GRM5: variants seen among roughly 807,000 people sequenced by gnomAD.
The protein encoded by GRM5 is glutamate metabotropic receptor 5.
A neutral mutation model predicts 83.1 loss-of-function variants in GRM5; 19 were observed. That is an observed-to-expected ratio of 0.23 (90% CI 0.16 to 0.34). GRM5 has a LOEUF of 0.34. GRM5 is among the 10% of genes least tolerant of loss of function. The probability of loss-of-function intolerance (pLI) is 1.00; values close to 1 mark genes in which losing one functional copy is unlikely to be tolerated. For missense variants in GRM5, 1,160 were observed against 1,588.3 expected, an observed-to-expected ratio of 0.73 and a Z score of 4.58; for synonymous variants, 675 against 633.6, an observed-to-expected ratio of 1.07 and a Z score of -0.98.
chr11:88,600,545 A>G (rs1355752868), intron 5 of GRM5, among the ~76,000 whole-genome samples: 2 of 152,042 alleles, frequency 1.3e-5, no homozygotes. Flanking sequence ...AATTTTATAT[A>G]TTGCTCAAAA....
intron 4 of GRM5, among the ~76,000 whole-genome samples, chr11:88,641,140 G>T (rs1315658809): frequency 1.1e-4 from 16 of 152,070 alleles, no homozygotes. Context: ...AGGTGAAGCA[G>T]GATCACACAC....
chr11:88,969,779 A>G (rs597303), intron 2 of GRM5, among the ~76,000 whole-genome samples: 17,554 of 152,066 alleles, frequency 0.12, 3,303 homozygotes, highest in African/African-American at 0.39. Flanking sequence ...ATTTTCCATT[A>G]AAATGCTAAA....
At chr11:89,053,343 A>T (rs1941798957) in intron 1 of GRM5, among the ~76,000 whole-genome samples, 1 of 152,206 alleles carries the variant, frequency 6.6e-6, no homozygotes, top group South Asian at 2.1e-4. Context: ...TTTTAAAAAA[A>T]TCATGACATA....
intron 2 of GRM5, among the ~76,000 whole-genome samples, chr11:88,858,612 G>A (rs1366702817): frequency 4.6e-5 from 7 of 152,054 alleles, no homozygotes; most frequent in Non-Finnish European, 1.0e-4. Flanking sequence ...TACATGTTGA[G>A]GACAACAAGT....
At chr11:88,858,068 C>T (rs1460407371) in intron 2 of GRM5, among the ~76,000 whole-genome samples, 1 of 152,024 alleles carries the variant, frequency 6.6e-6, no homozygotes, top group African/African-American at 2.4e-5. Context: ...ATTTCTCATC[C>T]TGCCCTGGAG....
At chr11:89,043,388 A>G (rs1214476076) in intron 2 of GRM5, among the ~76,000 whole-genome samples, 1 of 152,202 alleles carries the variant, frequency 6.6e-6, no homozygotes, top group Non-Finnish European at 1.5e-5. Flanking sequence ...GAACTAGATC[A>G]AGGTAAAGAA....
intron 2 of GRM5, among the ~76,000 whole-genome samples, chr11:88,918,732 A>G (rs1270282670): frequency 1.4e-5 from 2 of 146,126 alleles, no homozygotes; most frequent in Admixed American, 7.0e-5. Context: ...AGAAACAACA[A>G]AAAGTTAAAG....
At chr11:88,838,066 C>T (rs1220126954) in intron 3 of GRM5, among the ~76,000 whole-genome samples, 1 of 101,314 alleles carries the variant, frequency 9.9e-6, no homozygotes, top group Non-Finnish European at 1.8e-5. Flanking sequence ...GCCTGGGTGA[C>T]AGAGCGAGAC....
chr11:88,793,354 A>ATAAT (rs1276030532), intron 3 of GRM5, among the ~76,000 whole-genome samples: 1 of 152,190 alleles, frequency 6.6e-6, no homozygotes, highest in African/African-American at 2.4e-5. Context: ...AATTTGACAT[A>ATAAT]TAATTCGAGA....
intron 3 of GRM5, among the ~76,000 whole-genome samples, chr11:88,825,608 G>T (rs564357277): frequency 1.3e-5 from 2 of 152,278 alleles, no homozygotes; most frequent in East Asian, 3.9e-4. Context: ...TCACAAGTGG[G>T]ATGCAACTAA....
intron 8 of GRM5, among the ~76,000 whole-genome samples, chr11:88,550,009 T>A (rs1005110968): frequency 6.6e-6 from 1 of 151,972 alleles, no homozygotes; most frequent in East Asian, 1.9e-4. Context: ...GTAAAATTAG[T>A]AGGAGAAATG....
At chr11:88,592,307 G>T (rs967016619) in intron 6 of GRM5, among the ~76,000 whole-genome samples, 9 of 152,142 alleles carry the variant, frequency 5.9e-5, no homozygotes, top group African/African-American at 2.2e-4. Context: ...ACAGTGATTT[G>T]TAAAGTGTAG....
At chr11:88,818,049 C>A (rs943719604) in intron 3 of GRM5, among the ~76,000 whole-genome samples, 2 of 151,964 alleles carry the variant, frequency 1.3e-5, no homozygotes, top group Middle Eastern at 6.3e-3. Context: ...TTAAACTAAT[C>A]TAAACCTCAG....
intron 3 of GRM5, among the ~76,000 whole-genome samples, chr11:88,787,435 G>A (rs1260199137): frequency 1.3e-5 from 2 of 152,112 alleles, no homozygotes; most frequent in Non-Finnish European, 2.9e-5. Flanking sequence ...GGTTGTAGGA[G>A]ACATGATAAG....
chr11:88,966,026 G>A lies in GRM5; in HGVS notation c.661+81186C>T, dbSNP rs150952681. Among the ~76,000 whole-genome samples, 840 of 152,070 alleles carry A rather than the reference G, an allele frequency of 5.5e-3. 12 individuals are homozygous for A. Among genetic ancestry groups the A allele is most frequent in the African/African-American group, 0.018 (746 of 41,510 alleles). ...GAAATTCAACAGACTTTAAATTTAC[G>A]AAAGTAAAAATCATACAAAGTATAT... is the stretch of plus-strand genomic sequence containing the variant. On this transcript the variant is annotated intron_variant, in intron 2 of 9. Coordinates refer to ENST00000305447, the MANE Select transcript of GRM5 (RefSeq NM_001143831.3).
intron 2 of GRM5, among the ~76,000 whole-genome samples, chr11:89,011,238 C>T (rs547644423): frequency 1.5e-4 from 23 of 152,078 alleles, no homozygotes; most frequent in African/African-American, 5.3e-4. Context: ...TCTTCATGAG[C>T]TTTACTTTCA....
intron 3 of GRM5, among the ~76,000 whole-genome samples, chr11:88,826,562 T>C: frequency 6.6e-6 from 1 of 152,076 alleles, no homozygotes; most frequent in Non-Finnish European, 1.5e-5. Flanking sequence ...CCAATGGGTA[T>C]TAGGTAACTG....
chr11:88,656,252 T>C (rs1000743781), intron 3 of GRM5, among the ~76,000 whole-genome samples: 6 of 152,158 alleles, frequency 3.9e-5, no homozygotes, highest in Non-Finnish European at 5.9e-5. Context: ...ACTAGATTTA[T>C]TATTTATCCA....
intron 4 of GRM5, among the ~76,000 whole-genome samples, chr11:88,614,014 A>G (rs1938400667): frequency 6.6e-6 from 1 of 152,158 alleles, no homozygotes; most frequent in African/African-American, 2.4e-5. Context: ...ATTCAGTGAC[A>G]ATCTCTGAGG....
Sources: allele counts gnomAD v4.1 joint callset (sites outside exome capture counted in the v4.1 genomes callset), GRCh38; gene constraint gnomAD v4.1.1; transcripts MANE v1.5; gene names NCBI Gene and HGNC (gene_info 2026-07-23, HGNC 2026-07-21).